The following ABCA13 variants were observed in gnomAD, a reference collection of about 807,000 sequenced individuals.
The protein encoded by ABCA13 is ATP binding cassette subfamily A member 13.
Under a neutral mutation model 478.7 loss-of-function variants are expected in ABCA13, and 476 were observed. That is an observed-to-expected ratio of 0.99 (90% CI 0.92 to 1.07). The LOEUF is 1.07. Among genes scored for constraint, ABCA13 ranks in the 50% least tolerant of loss-of-function variants. The pLI is 0.00. For missense variants in ABCA13, 6,060 were observed against 5,910.6 expected (o/e 1.03, Z -0.83); for synonymous variants, 2,252 against 2,158.9 (o/e 1.04, Z -1.20).
Position 48,506,403 on chromosome 7 carries a change from A to G in ABCA13, c.13346+13A>G, listed in dbSNP as rs1173786174. The G allele has an allele frequency of 5.0e-6, 8 of 1,613,304 alleles. No homozygotes were observed. The highest frequency in any genetic ancestry group is 6.8e-6 in the Non-Finnish European group (8 of 1,179,334). ...ACGAGGACAAGATGTGAGTTGATGG[A>G]ATGCTGAGGGGTGTGTGACCCTGAC... is the stretch of plus-strand genomic sequence containing the variant. On this transcript the variant is annotated intron_variant, in intron 49 of 61. Coordinates refer to ENST00000435803, the MANE Select transcript of ABCA13 (RefSeq NM_152701.5).
At chr7:48,521,978 G>GA (rs397786965) in intron 53 of ABCA13, among the ~76,000 whole-genome samples, 3 of 144 alleles carry the variant, frequency 0.021, no homozygotes, top group Non-Finnish European at 0.031. Context: ...TTCTTAGCAA[G>GA]CCCCCCTGAA....
At chr7:48,323,914 G>A (rs1365875313) in intron 27 of ABCA13, among the ~76,000 whole-genome samples, 1 of 152,146 alleles carries the variant, frequency 6.6e-6, no homozygotes, top group Non-Finnish European at 1.5e-5. Flanking sequence ...GAGTTCCCCT[G>A]CACAAGCTCT....
intron 43 of ABCA13, among the ~76,000 whole-genome samples, chr7:48,459,341 C>T (rs1826005858): frequency 6.6e-6 from 1 of 152,180 alleles, no homozygotes; most frequent in Admixed American, 6.5e-5. Flanking sequence ...GGTGCCTCTG[C>T]AGCCTCTGCC....
At chr7:48,568,191 C>A (rs1224752205) in intron 55 of ABCA13, among the ~76,000 whole-genome samples, 3 of 152,044 alleles carry the variant, frequency 2.0e-5, no homozygotes, top group African/African-American at 7.2e-5. Context: ...TCCATTGCGT[C>A]CCCCCATTGT....
chr7:48,219,476 G>T lies in ABCA13; in HGVS notation c.410G>T (p.Arg137Ile), dbSNP rs201247339. The change falls in exon 4 of 62, where the codon AGA becomes ATA. Residue 137 changes from arginine (R) to isoleucine (I), a missense_variant. Transcript: ENST00000435803. ...GMMDKAKNLK[R>I]LWVERSNTPD... ...ATGGACAAGGCAAAAAACTTAAAAA[G>T]ACTTTGGGTAGAACGATCCAACACT... is the stretch of plus-strand genomic sequence containing the variant. The T allele has an allele frequency of 3.2e-5, 52 of 1,612,830 alleles. No individual in the cohort carries two copies. The Admixed American group carries it at 8.5e-4, about 26-fold the overall frequency.
chr7:48,349,350 C>T (rs1052914866), intron 29 of ABCA13, among the ~76,000 whole-genome samples: 3 of 152,154 alleles, frequency 2.0e-5, no homozygotes, highest in Non-Finnish European at 4.4e-5. Flanking sequence ...GGATGAAGGG[C>T]AGAAGGAGCC....
At chr7:48,424,845 G>A (rs891237878) in intron 41 of ABCA13, among the ~76,000 whole-genome samples, 3 of 152,200 alleles carry the variant, frequency 2.0e-5, no homozygotes, top group Non-Finnish European at 4.4e-5. Flanking sequence ...AGTGATCAGT[G>A]TCATATTGCT....
chr7:48,238,459 T>C (rs941331477), intron 8 of ABCA13, among the ~76,000 whole-genome samples: 2 of 146,368 alleles, frequency 1.4e-5, no homozygotes, highest in African/African-American at 2.5e-5. Flanking sequence ...AGGAACTCTG[T>C]TGAAGTTCTT....
intron 48 of ABCA13, among the ~76,000 whole-genome samples, chr7:48,504,511 T>C (rs1831034319): frequency 6.6e-6 from 1 of 152,100 alleles, no homozygotes; most frequent in Admixed American, 6.5e-5. Flanking sequence ...CCTGGGTGAC[T>C]GGGAAGATGA....
chr7:48,508,754 G>A (rs895554174), intron 50 of ABCA13, among the ~76,000 whole-genome samples: 4 of 152,148 alleles, frequency 2.6e-5, no homozygotes, highest in Admixed American at 6.5e-5. Context: ...GTGGAAGGCC[G>A]GAGGTCAACC....
intron 11 of ABCA13, 29 bp downstream of exon 11, chr7:48,244,732 T>C (rs1211425314): frequency 1.9e-6 from 3 of 1,565,264 alleles, no homozygotes; most frequent in African/African-American, 1.4e-5. Flanking sequence ...TATTTGTCCC[T>C]GACTCACTAA....
chr7:48,284,662 A>G (rs1797484251), intron 19 of ABCA13, among the ~76,000 whole-genome samples: 1 of 152,238 alleles, frequency 6.6e-6, no homozygotes, highest in South Asian at 2.1e-4. Context: ...GCCATTCTGT[A>G]TTGCAGCTGC....
intron 55 of ABCA13, among the ~76,000 whole-genome samples, chr7:48,548,566 C>A (rs1245673095): frequency 6.9e-6 from 1 of 145,672 alleles, no homozygotes; most frequent in Non-Finnish European, 1.5e-5. Flanking sequence ...TTTTTTTGTC[C>A]ACAGATTGTT....
At chr7:48,221,437 T>C (rs1787349678) in intron 5 of ABCA13, 128 bp downstream of exon 5, 4 of 503,878 alleles carry the variant, frequency 7.9e-6, no homozygotes, top group Non-Finnish European at 1.3e-5. Context: ...GTATAGAAGC[T>C]GGATTTGAGA....
At position 48,278,476 on chromosome 7, in the gene ABCA13, G is replaced by A; in HGVS notation, c.7282G>A (p.Asp2428Asn). Reference protein sequence around the residue: ...ECSTEMARLLDTILHSPNKDF... With the variant: ...ECSTEMARLLNTILHSPNKDF... ...TTCAACAGAGATGGCAAGACTTCTGGATACAATTTTACACTCTCCTAATAA... is the reference window on the plus strand; with the variant it reads ...TTCAACAGAGATGGCAAGACTTCTGAATACAATTTTACACTCTCCTAATAA... Residue 2428 changes from aspartate to asparagine, a missense_variant, in exon 18 of 62, where the codon GAT (aspartate) becomes AAT (asparagine). By Grantham distance (23) the Asp-to-Asn change is conservative. This residue lies in a region of ABCA13 where 4,423 missense variants were observed against 4,309.1 expected (regional missense o/e 1.03). Coordinates refer to ENST00000435803, the MANE Select transcript of ABCA13 (RefSeq NM_152701.5). 1 of 1,613,882 alleles carries A rather than the reference G, an allele frequency of 6.2e-7. No homozygotes were observed. Among genetic ancestry groups the A allele is most frequent in the Non-Finnish European group, 8.5e-7 (1 of 1,179,860 alleles).
intron 27 of ABCA13, among the ~76,000 whole-genome samples, chr7:48,330,123 A>G (rs545796003): frequency 6.6e-6 from 1 of 151,404 alleles, no homozygotes; most frequent in Admixed American, 6.6e-5. Context: ...TTATCTATCC[A>G]TCCACACATC....
chr7:48,505,109 C>G (rs1224187642), intron 48 of ABCA13, among the ~76,000 whole-genome samples: 2 of 152,130 alleles, frequency 1.3e-5, no homozygotes, highest in Non-Finnish European at 2.9e-5. Context: ...AATTTATAAT[C>G]AAAATTTATT....
chr7:48,303,834 A>C (rs1206623615), intron 23 of ABCA13, among the ~76,000 whole-genome samples: 1 of 152,138 alleles, frequency 6.6e-6, no homozygotes, highest in African/African-American at 2.4e-5. Context: ...CCAAAAGATG[A>C]GAGTATCTTT....
intron 38 of ABCA13, among the ~76,000 whole-genome samples, chr7:48,397,361 C>T: frequency 6.6e-6 from 1 of 151,674 alleles, no homozygotes; most frequent in East Asian, 1.9e-4. Context: ...CAAGATAAGC[C>T]AAATGAATGG....
Sources: allele counts gnomAD v4.1 joint callset (sites outside exome capture counted in the v4.1 genomes callset), GRCh38; gene constraint gnomAD v4.1.1; regional missense constraint gnomAD v4.1.1; transcripts MANE v1.5; gene names NCBI Gene and HGNC (gene_info 2026-07-23, HGNC 2026-07-21).